SNTG2: variants seen among roughly 807,000 people sequenced by gnomAD.
SNTG2 encodes gamma-2-syntrophin.
Under a neutral mutation model 70.9 loss-of-function variants are expected in SNTG2, and 74 were observed. The ratio of observed to expected loss-of-function variants is 1.04; its 90% CI spans 0.86 to 1.27. The LOEUF (loss-of-function observed/expected upper bound fraction) is 1.27, where lower values mean the gene tolerates loss of function less well. Among genes scored for constraint, SNTG2 ranks in the 50% most tolerant of loss-of-function variants. The probability of loss-of-function intolerance (pLI) is 0.00; values close to 1 mark genes in which losing one functional copy is unlikely to be tolerated. For missense variants in SNTG2, 717 were observed against 690.7 expected (o/e 1.04, Z -0.43); for synonymous variants, 278 against 273.8 (o/e 1.02, Z -0.15).
intron 1 of SNTG2, among the ~76,000 whole-genome samples, chr2:1,067,614 G>C (rs1663242358): frequency 1.3e-5 from 2 of 152,188 alleles, no homozygotes. Flanking sequence ...GGCTCAAAGA[G>C]AGCAAGGGGA....
chr2:1,328,044 C>T (rs544536475), intron 16 of SNTG2, among the ~76,000 whole-genome samples: 6 of 152,088 alleles, frequency 3.9e-5, no homozygotes, highest in African/African-American at 7.2e-5. Context: ...GGAGCCAGCA[C>T]GTCACACAGC....
chr2:1,314,823 G>A (rs139841936), intron 15 of SNTG2, among the ~76,000 whole-genome samples: 3,579 of 152,272 alleles, frequency 0.024, 128 homozygotes, highest in African/African-American at 0.078. Context: ...CATGTCTTAC[G>A]TGGTGGCAGG....
At position 1,165,613 on chromosome 2, in the gene SNTG2, G is replaced by A. The variant is rs369378564; in HGVS notation, c.477G>A (p.Pro159=). The change falls in exon 7 of 17, where the codon CCG becomes CCA. Residue 159 remains proline (P), a synonymous_variant. Transcript: ENST00000308624. ...TITVEYLREA[P]AFLKLPLGSP... is the part of the protein sequence containing the mutation. ...CCGTTGAGTATCTCAGGGAAGCGCC[G>A]GCATTTCTGAAGCTCCCGTTAGGTA... The A allele has an allele frequency of 1.6e-4, 252 of 1,612,802 alleles. 2 individuals carry two copies. Among genetic ancestry groups the A allele is most frequent in the African/African-American group, 9.9e-4 (74 of 74,992 alleles).
intron 6 of SNTG2, among the ~76,000 whole-genome samples, chr2:1,141,576 G>C (rs986994723): frequency 1.3e-5 from 2 of 152,192 alleles, no homozygotes; most frequent in Non-Finnish European, 2.9e-5. Context: ...TTTTGCCTGA[G>C]CCAAGAGGCA....
intron 1 of SNTG2, among the ~76,000 whole-genome samples, chr2:991,052 A>G (rs1661474678): frequency 6.6e-6 from 1 of 152,182 alleles, no homozygotes; most frequent in Non-Finnish European, 1.5e-5. Context: ...TAAGATCAGT[A>G]AAAACCTTAA....
chr2:1,189,311 A>G (rs1672433804), intron 8 of SNTG2, among the ~76,000 whole-genome samples: 1 of 152,186 alleles, frequency 6.6e-6, no homozygotes, highest in Non-Finnish European at 1.5e-5. Context: ...TTCCAAGTGC[A>G]TGTATACATT....
At chr2:1,336,674 T>G (rs1024016315) in intron 16 of SNTG2, among the ~76,000 whole-genome samples, 2 of 152,232 alleles carry the variant, frequency 1.3e-5, no homozygotes, top group Non-Finnish European at 2.9e-5. Flanking sequence ...TTCTTCTGAA[T>G]GTGAATATCC....
intron 6 of SNTG2, among the ~76,000 whole-genome samples, chr2:1,159,020 C>T (rs1373506643): frequency 6.6e-6 from 1 of 151,908 alleles, no homozygotes; most frequent in Non-Finnish European, 1.5e-5. Flanking sequence ...GTGTGTGTGT[C>T]CATATGTGTG....
intron 11 of SNTG2, among the ~76,000 whole-genome samples, chr2:1,242,343 T>G (rs1677106890): frequency 6.6e-6 from 1 of 152,192 alleles, no homozygotes; most frequent in Non-Finnish European, 1.5e-5. Context: ...CAAAAAAATT[T>G]ATGTGAAAGG....
At chr2:1,118,639 A>G (rs1372533809) in intron 4 of SNTG2, among the ~76,000 whole-genome samples, 3 of 150,668 alleles carry the variant, frequency 2.0e-5, no homozygotes, top group Non-Finnish European at 4.4e-5. Flanking sequence ...GAGGACTTCA[A>G]TAGCAGACCT....
intron 1 of SNTG2, among the ~76,000 whole-genome samples, chr2:1,073,610 A>C (rs1211256447): frequency 1.3e-5 from 2 of 152,244 alleles, no homozygotes. Context: ...TCTAGAACCA[A>C]ACCTGTGATA....
chr2:1,049,553 C>T (rs149001818), intron 1 of SNTG2, among the ~76,000 whole-genome samples: 266 of 152,300 alleles, frequency 1.7e-3, no homozygotes, highest in Middle Eastern at 3.4e-3. Context: ...CATTCACCTT[C>T]ATATTGGTTG....
chr2:1,165,719 T>G (rs1056099697), intron 7 of SNTG2, 84 bp downstream of exon 7: 1 of 1,161,244 alleles, frequency 8.6e-7, no homozygotes, highest in African/African-American at 1.5e-5. Flanking sequence ...CCACATGGAC[T>G]GGGATATTAA....
chr2:1,273,058 C>A (rs565513297), intron 14 of SNTG2, among the ~76,000 whole-genome samples: 3 of 152,212 alleles, frequency 2.0e-5, no homozygotes, highest in African/African-American at 4.8e-5. Context: ...GAGCCGGTCA[C>A]GCACGGTGCT....
At chr2:978,485 G>A (rs1047943052) in intron 1 of SNTG2, among the ~76,000 whole-genome samples, 1 of 151,994 alleles carries the variant, frequency 6.6e-6, no homozygotes, top group African/African-American at 2.4e-5. Flanking sequence ...AGGAATTTTG[G>A]GGGATGCCAT....
chr2:1,336,969 AT>A (rs576109597), intron 16 of SNTG2, among the ~76,000 whole-genome samples: 2 of 151,980 alleles, frequency 1.3e-5, no homozygotes, highest in African/African-American at 2.4e-5. Context: ...GAATTTTAGA[AT>A]TTTTTTTCTG....
chr2:1,234,353 G>A (rs1676466036), intron 9 of SNTG2, among the ~76,000 whole-genome samples: 1 of 152,186 alleles, frequency 6.6e-6, no homozygotes, highest in Non-Finnish European at 1.5e-5. Flanking sequence ...TCTGCCATCA[G>A]CATTCATGTC....
chr2:1,222,412 A>T (rs1195282659), intron 9 of SNTG2, among the ~76,000 whole-genome samples: 3 of 152,262 alleles, frequency 2.0e-5, no homozygotes, highest in Non-Finnish European at 4.4e-5. Flanking sequence ...GAGATTTCAT[A>T]GGCTATCAGA....
At chr2:1,161,907 T>C (rs1670316847) in intron 6 of SNTG2, among the ~76,000 whole-genome samples, 1 of 151,882 alleles carries the variant, frequency 6.6e-6, no homozygotes, top group South Asian at 2.1e-4. Flanking sequence ...ACCCCGTCTC[T>C]ACTAAAAATA....
Sources: allele counts gnomAD v4.1 joint callset (sites outside exome capture counted in the v4.1 genomes callset), GRCh38; gene constraint gnomAD v4.1.1; transcripts MANE v1.5; gene names NCBI Gene and HGNC (gene_info 2026-07-23, HGNC 2026-07-21).